RHEX: variants seen among roughly 807,000 people sequenced by gnomAD.
RHEX encodes the protein regulator of hemoglobinization and erythroid cell expansion.
Under a neutral mutation model 20.1 loss-of-function variants are expected in RHEX, and 18 were observed. The observed-to-expected ratio is 0.90, with a 90% CI of 0.62 to 1.33. The LOEUF is 1.33. Among genes scored for constraint, RHEX ranks in the 40% most tolerant of loss-of-function variants. The pLI is 0.00. For synonymous variants in RHEX, 87 were observed against 77.1 expected (o/e 1.13, Z -0.67); for missense variants, 192 against 214.3 (o/e 0.90, Z 0.65).
chr1:206,074,560 CAG>C (rs1331945953), intron 1 of RHEX, among the ~76,000 whole-genome samples: 2 of 152,318 alleles, frequency 1.3e-5, no homozygotes, highest in East Asian at 3.9e-4. Context: ...AGTATATTCA[CAG>C]AGTTATGCAA....
chr1:206,075,414 C>A (rs1316311338), intron 1 of RHEX, among the ~76,000 whole-genome samples: 1 of 152,146 alleles, frequency 6.6e-6, no homozygotes, highest in Non-Finnish European at 1.5e-5. Context: ...AAACACAGAT[C>A]TATGATGATG....
At chr1:206,075,678 G>A (rs1553285158) in intron 1 of RHEX, among the ~76,000 whole-genome samples, 1 of 150,244 alleles carries the variant, frequency 6.7e-6, no homozygotes, top group Non-Finnish European at 1.5e-5. Flanking sequence ...TCTTTTCACT[G>A]CCACCTCCAC....
intron 1 of RHEX, among the ~76,000 whole-genome samples, chr1:206,090,850 T>C (rs1374618722): frequency 6.6e-6 from 1 of 152,182 alleles, no homozygotes; most frequent in East Asian, 1.9e-4. Flanking sequence ...GTTGCTAATA[T>C]AATAGTAAGA....
rs782565969 is a variant in RHEX at position 206,101,855 on chromosome 1, A to AT, written c.423dup (p.Val142CysfsTer22). 6.2e-7 allele frequency: 1 copy of AT among 1,614,020 alleles called. No individual in the cohort carries two copies. Among genetic ancestry groups the AT allele is most frequent in the South Asian group, 1.1e-5 (1 of 91,080 alleles). ...GAGAACATAAAGGAAATCACAGATT[A>AT]TGTCAATGTCAATCCAGAAAGACAC... On this transcript the variant is annotated frameshift_variant, in exon 6 of 6. Coordinates refer to ENST00000331555, the MANE Select transcript of RHEX (RefSeq NM_001007544.4). LOFTEE classifies it high-confidence loss of function.
chr1:206,071,064 G>A (rs1053408020), intron 1 of RHEX, among the ~76,000 whole-genome samples: 1 of 152,172 alleles, frequency 6.6e-6, no homozygotes, highest in African/African-American at 2.4e-5. Flanking sequence ...TAGGCCATCT[G>A]TAAGATGAGG....
intron 1 of RHEX, among the ~76,000 whole-genome samples, chr1:206,077,543 G>A (rs911821544): frequency 3.3e-5 from 5 of 152,146 alleles, no homozygotes; most frequent in Non-Finnish European, 5.9e-5. Context: ...AGGGGAAGGA[G>A]GGAGGATGAC....
intron 5 of RHEX, 118 bp downstream of exon 5, chr1:206,101,315 T>C (rs1206784313): frequency 2.7e-5 from 22 of 805,572 alleles, no homozygotes; most frequent in Non-Finnish European, 4.5e-5. Flanking sequence ...AGAGGGTTTC[T>C]TGAGTCATCA....
intron 4 of RHEX, 93 bp from the exon 5 acceptor site, chr1:206,101,043 G>T: frequency 1.0e-6 from 1 of 1,004,528 alleles, no homozygotes; most frequent in Non-Finnish European, 1.5e-6. Context: ...GTCTTTATCT[G>T]ATAATAAGAC....
intron 1 of RHEX, among the ~76,000 whole-genome samples, chr1:206,097,373 T>G (rs937895051): frequency 4.6e-5 from 7 of 152,158 alleles, no homozygotes; most frequent in Admixed American, 4.6e-4. Context: ...GAGAGAGGGC[T>G]CCAGCACAAA....
At chr1:206,088,292 A>G (rs1662877324) in intron 1 of RHEX, among the ~76,000 whole-genome samples, 1 of 152,246 alleles carries the variant, frequency 6.6e-6, no homozygotes, top group Non-Finnish European at 1.5e-5. Flanking sequence ...CATTCCCTCC[A>G]TATGAATAAA....
At chr1:206,072,939 C>T (rs1423178568) in intron 1 of RHEX, among the ~76,000 whole-genome samples, 4 of 151,346 alleles carry the variant, frequency 2.6e-5, no homozygotes, top group Admixed American at 6.6e-5. Context: ...TCAAGCAATC[C>T]CCCTCACCCC....
At chr1:206,086,621 A>G (rs1221898728) in intron 1 of RHEX, among the ~76,000 whole-genome samples, 1 of 152,206 alleles carries the variant, frequency 6.6e-6, no homozygotes, top group Non-Finnish European at 1.5e-5. Context: ...TCTACCTCAT[A>G]AGGTTGTTAT....
At chr1:206,088,435 C>A (rs1201077273) in intron 1 of RHEX, among the ~76,000 whole-genome samples, 1 of 152,192 alleles carries the variant, frequency 6.6e-6, no homozygotes, top group Non-Finnish European at 1.5e-5. Context: ...GTAATCCCAG[C>A]ACTTTGGGAG....
At chr1:206,099,891 A>G (rs1160865213) in intron 4 of RHEX, 93 bp downstream of exon 4, 1 of 1,204,000 alleles carries the variant, frequency 8.3e-7, no homozygotes, top group African/African-American at 1.5e-5. Context: ...CATGGGCCCA[A>G]ACCTCTAGCC....
chr1:206,101,053 C>A, intron 4 of RHEX, 83 bp from the exon 5 acceptor site: 1 of 1,109,204 alleles, frequency 9.0e-7, no homozygotes, highest in Non-Finnish European at 1.3e-6. Flanking sequence ...GATAATAAGA[C>A]AATTCTCCCT....
chr1:206,093,550 T>C (rs1471474341), intron 1 of RHEX, among the ~76,000 whole-genome samples: 2 of 152,200 alleles, frequency 1.3e-5, no homozygotes, highest in Non-Finnish European at 2.9e-5. Flanking sequence ...ATTACAGGTG[T>C]GGGCTACTGC....
At chr1:206,097,947 C>A in intron 2 of RHEX, 108 bp downstream of exon 2, 1 of 1,188,562 alleles carries the variant, frequency 8.4e-7, no homozygotes, top group Non-Finnish European at 1.3e-6. Context: ...CCTTATTGTC[C>A]AGAGAGGCAA....
At chr1:206,064,645 G>C (rs1357882050) in intron 1 of RHEX, among the ~76,000 whole-genome samples, 1 of 131,512 alleles carries the variant, frequency 7.6e-6, no homozygotes, top group Admixed American at 7.5e-5. Context: ...CCCGTCCCGG[G>C]GGGAGGTGGG....
intron 1 of RHEX, among the ~76,000 whole-genome samples, chr1:206,083,879 T>C (rs531243511): frequency 8.5e-5 from 13 of 152,308 alleles, no homozygotes; most frequent in Middle Eastern, 3.4e-3. Flanking sequence ...ACAGCAGCCA[T>C]TGGGGCTTCG....
Sources: allele counts gnomAD v4.1 joint callset (sites outside exome capture counted in the v4.1 genomes callset), GRCh38; gene constraint gnomAD v4.1.1; transcripts MANE v1.5; gene names NCBI Gene and HGNC (gene_info 2026-07-23, HGNC 2026-07-21).